The following VRK2 variants were observed in gnomAD, a reference collection of about 807,000 sequenced individuals.
VRK2 encodes serine/threonine-protein kinase VRK2.
A neutral mutation model predicts 57.6 loss-of-function variants in VRK2; 60 were observed. The observed-to-expected ratio is 1.04, with a 90% CI of 0.85 to 1.29. VRK2 has a LOEUF of 1.29. Ranked by LOEUF, VRK2 falls within the 50% of genes most tolerant of loss-of-function variation. The pLI is 0.00. For missense variants in VRK2, 705 were observed against 588.1 expected (o/e 1.20, Z -2.06); for synonymous variants, 231 against 199.2 (o/e 1.16, Z -1.35).
chr2:58,021,560 C>T (rs545063384), intron 1 of VRK2, among the ~76,000 whole-genome samples: 50 of 152,276 alleles, frequency 3.3e-4, no homozygotes, highest in Admixed American at 1.2e-3. Context: ...GTTTATACTA[C>T]CATGAAATAA....
chr2:57,975,674 C>T (rs546780783), intron 1 of VRK2, among the ~76,000 whole-genome samples: 1 of 151,932 alleles, frequency 6.6e-6, no homozygotes, highest in Admixed American at 6.6e-5. Context: ...GTCCCTACCA[C>T]CTGTCCCCAA....
intron 2 of VRK2, among the ~76,000 whole-genome samples, chr2:58,062,879 A>G (rs1412014130): frequency 2.0e-5 from 3 of 152,144 alleles, no homozygotes; most frequent in Non-Finnish European, 4.4e-5. Flanking sequence ...AGGTGGTTAC[A>G]CTAAATAACA....
At chr2:58,020,300 G>C (rs1673711968) in intron 1 of VRK2, among the ~76,000 whole-genome samples, 2 of 152,200 alleles carry the variant, frequency 1.3e-5, no homozygotes, top group Non-Finnish European at 2.9e-5. Context: ...CAGCCTCTTG[G>C]CCTCAAGCAA....
intron 7 of VRK2, among the ~76,000 whole-genome samples, chr2:58,114,523 C>T (rs538630804): frequency 6.6e-6 from 1 of 152,128 alleles, no homozygotes; most frequent in African/African-American, 2.4e-5. Context: ...ATGGGCTGTA[C>T]CTTGTAGCAT....
At chr2:58,102,929 G>A (rs1464727439) in intron 7 of VRK2, among the ~76,000 whole-genome samples, 1 of 151,572 alleles carries the variant, frequency 6.6e-6, no homozygotes, top group Non-Finnish European at 1.5e-5. Flanking sequence ...AATACCATGA[G>A]TAATTATTGA....
intron 1 of VRK2, among the ~76,000 whole-genome samples, chr2:58,022,525 A>ATG (rs1673789718): frequency 6.6e-6 from 1 of 152,218 alleles, no homozygotes; most frequent in Non-Finnish European, 1.5e-5. Context: ...GGAAAAGAGT[A>ATG]TGTTGTCATT....
At chr2:58,081,688 T>G (rs769735010) in intron 2 of VRK2, among the ~76,000 whole-genome samples, 3 of 151,912 alleles carry the variant, frequency 2.0e-5, no homozygotes, top group Non-Finnish European at 4.4e-5. Flanking sequence ...TCTGATTATG[T>G]TTTTTCTACA....
chr2:58,140,829 T>A (rs1406671066), intron 11 of VRK2, among the ~76,000 whole-genome samples: 5 of 152,024 alleles, frequency 3.3e-5, no homozygotes, highest in Admixed American at 3.3e-4. Flanking sequence ...AAAGAAGTAT[T>A]TGAATGACTG....
intron 1 of VRK2, among the ~76,000 whole-genome samples, chr2:57,935,506 G>A (rs1670876332): frequency 6.6e-6 from 1 of 152,078 alleles, no homozygotes; most frequent in Non-Finnish European, 1.5e-5. Flanking sequence ...CTATCCTTAG[G>A]TATGTGCTCT....
intron 1 of VRK2, among the ~76,000 whole-genome samples, chr2:57,935,121 GT>G (rs1158332152): frequency 6.6e-6 from 1 of 152,072 alleles, no homozygotes; most frequent in South Asian, 2.1e-4. Context: ...TTCTTTGGGG[GT>G]CTCACATTGC....
chr2:58,149,913 A>G (rs1337274420), intron 12 of VRK2, among the ~76,000 whole-genome samples: 1 of 150,580 alleles, frequency 6.6e-6, no homozygotes, highest in Non-Finnish European at 1.5e-5. Context: ...TTCCAACTCA[A>G]TTCCTGCTGA....
chr2:58,046,430 GT>G (rs915868976), upstream of VRK2: 202 of 949,830 alleles, frequency 2.1e-4, no homozygotes, highest in Middle Eastern at 5.4e-4. Context: ...CGAGAGCTCG[GT>G]AAGGACTAGC....
chr2:58,113,601 A>G (rs1212026779), intron 7 of VRK2, among the ~76,000 whole-genome samples: 4 of 152,106 alleles, frequency 2.6e-5, no homozygotes. Context: ...ATTACAGTCA[A>G]AGGGGGTTGT....
chr2:58,047,211 C>G (rs1386017722), intron 1 of VRK2: 1 of 247,630 alleles, frequency 4.0e-6, no homozygotes, highest in African/African-American at 2.3e-5. Context: ...AGGTCCCCGG[C>G]GTGCTAAGGG....
intron 7 of VRK2, 31 bp downstream of exon 7, chr2:58,089,754 T>G: frequency 6.8e-7 from 1 of 1,471,312 alleles, no homozygotes. Context: ...TTAATAAAGG[T>G]CTTTAATGTA....
chr2:58,065,336 T>C (rs931914097), intron 2 of VRK2, among the ~76,000 whole-genome samples: 5 of 152,092 alleles, frequency 3.3e-5, no homozygotes, highest in Non-Finnish European at 5.9e-5. Context: ...TCACTATAGA[T>C]GTGGCTTTTG....
chr2:58,139,049 T>C (rs938281712), intron 10 of VRK2, among the ~76,000 whole-genome samples: 1 of 152,070 alleles, frequency 6.6e-6, no homozygotes, highest in African/African-American at 2.4e-5. Context: ...AAATAAAAGA[T>C]GGCAACTCCT....
chr2:58,142,199 A>G (rs551529067), intron 11 of VRK2, among the ~76,000 whole-genome samples: 2 of 152,142 alleles, frequency 1.3e-5, no homozygotes, highest in East Asian at 1.9e-4. Flanking sequence ...CTAATAACAA[A>G]TGAAACTTAT....
At chr2:58,115,159 G>C (rs916984984) in intron 7 of VRK2, among the ~76,000 whole-genome samples, 6 of 152,174 alleles carry the variant, frequency 3.9e-5, no homozygotes, top group African/African-American at 1.4e-4. Context: ...ATTAGGCCTG[G>C]TGGAACTGCC....
Sources: gnomAD v4.1 joint callset for allele counts (sites outside exome capture counted in the v4.1 genomes callset) on GRCh38, gnomAD v4.1.1 for gene constraint, MANE v1.5 for transcripts, NCBI Gene and HGNC (gene_info 2026-07-23, HGNC 2026-07-21) for gene names.